Variants in GORAB observed in about 807,000 individuals in gnomAD.
The protein encoded by GORAB is RAB6-interacting golgin.
GORAB carries 17 observed loss-of-function variants against 29.9 expected under a neutral mutation model. The ratio of observed to expected loss-of-function variants is 0.57; its 90% CI spans 0.39 to 0.85. GORAB has a LOEUF of 0.85. Among genes scored for constraint, GORAB ranks in the 40% least tolerant of loss-of-function variants. The probability of loss-of-function intolerance (pLI) is 0.00; values close to 1 mark genes in which losing one functional copy is unlikely to be tolerated. For synonymous variants in GORAB, 183 were observed against 157.2 expected (o/e 1.16, Z -1.23); for missense variants, 442 against 437.8 (o/e 1.01, Z -0.09).
Position 170,532,173 on chromosome 1 carries a change from GT to G in GORAB, c.-50del. ...GATGAGCTGGGCAGCAGTGTTGGCA[GT>G]CGCGGCTGCGAGATTTGGGCACTTT... On this transcript the variant is annotated 5_prime_UTR_variant, in exon 1 of 5. Coordinates refer to ENST00000367763, the MANE Select transcript of GORAB (RefSeq NM_152281.3). 1 of 1,613,570 alleles carries G rather than the reference GT, an allele frequency of 6.2e-7. No homozygotes were observed. Among genetic ancestry groups the G allele is most frequent in the East Asian group, 2.2e-5 (1 of 44,878 alleles).
Position 170,552,960 on chromosome 1 carries a change from G to A in GORAB, c.*498G>A. 6.6e-6 allele frequency: 3 copies of A among 452,050 alleles called. No individual in the cohort carries two copies. The highest frequency in any genetic ancestry group is 1.3e-5 in the Non-Finnish European group (3 of 226,300). 28.0% of individuals were successfully genotyped at this position (452,050 alleles called of 1,614,324 possible). A position where few individuals can be genotyped will look rare whatever the true frequency, so the allele number is the denominator to read the frequency against. On this transcript the variant is annotated 3_prime_UTR_variant, in exon 5 of 5. Transcript: ENST00000367763. ...AAGTTGCAGGTTGAATTATCTATCT[G>A]GATATTACTAGAGTTGTAAAACACA...
At chr1:170,550,571 G>T (rs1016513211) in intron 4 of GORAB, among the ~76,000 whole-genome samples, 2 of 152,176 alleles carry the variant, frequency 1.3e-5, no homozygotes, top group East Asian at 3.8e-4. Context: ...ACCGAAATGG[G>T]TACACATGGT....
intron 1 of GORAB, among the ~76,000 whole-genome samples, chr1:170,533,079 G>T (rs769896836): frequency 1.3e-5 from 2 of 152,166 alleles, no homozygotes; most frequent in Non-Finnish European, 2.9e-5. Flanking sequence ...GATCTGTATG[G>T]TTATCGTGGT....
Position 170,552,534 on chromosome 1 carries a change from C to G in GORAB, c.*72C>G. ...TTTTTGCAGTAGATCATGCCCTGAC[C>G]TCCAATAAAAACCTCTTTAAAACAA... On this transcript the variant is annotated 3_prime_UTR_variant, in exon 5 of 5. Transcript: ENST00000367763. The G allele has an allele frequency of 8.1e-7, 1 of 1,227,560 alleles. No homozygotes were observed. The highest frequency in any genetic ancestry group is 1.9e-4 in the Middle Eastern group (1 of 5,312). The allele number at this position is 1,227,560 out of a possible 1,614,324, so 76.0% of individuals were successfully genotyped here. A position where few individuals can be genotyped will look rare whatever the true frequency, so the allele number is the denominator to read the frequency against.
intron 4 of GORAB, among the ~76,000 whole-genome samples, chr1:170,546,261 G>A (rs1417873698): frequency 6.6e-6 from 1 of 151,984 alleles, no homozygotes; most frequent in African/African-American, 2.4e-5. Flanking sequence ...GTGGTGGTGG[G>A]CGCCTATAGT....
At chr1:170,544,001 T>C (rs1649602614) in intron 3 of GORAB, among the ~76,000 whole-genome samples, 1 of 152,156 alleles carries the variant, frequency 6.6e-6, no homozygotes, top group Non-Finnish European at 1.5e-5. Context: ...TGTGTGAAAA[T>C]TTGAAATGAG....
chr1:170,546,322 G>A (rs1265335764), intron 4 of GORAB, among the ~76,000 whole-genome samples: 1 of 151,896 alleles, frequency 6.6e-6, no homozygotes. Flanking sequence ...CCTGGGAGGC[G>A]GATCTTGCAG....
At chr1:170,532,481 C>G in intron 1 of GORAB, 197 bp downstream of exon 1, 2 of 598,534 alleles carry the variant, frequency 3.3e-6, no homozygotes, top group Non-Finnish European at 5.9e-6. Flanking sequence ...AGCCAGAGGA[C>G]TGGGATCTTC....
In GORAB at chr1:170,552,033, T is replaced by C; in HGVS notation, c.681T>C (p.Ala227=). Residue 227 remains alanine (A), a synonymous_variant, in exon 5 of 5, where the codon GCT becomes GCC. Coordinates refer to ENST00000367763, the MANE Select transcript of GORAB (RefSeq NM_152281.3). ...YSYARKRFDR[A]EAEYIAAKLD... ...CTTACAGGAAGCGGTTTGACAGGGC[T>C]GAAGCAGAGTACATTGCAGCAAAGC... 1 of 1,613,972 alleles carries C rather than the reference T, an allele frequency of 6.2e-7. No homozygotes were observed. The highest frequency in any genetic ancestry group is 8.5e-7 in the Non-Finnish European group (1 of 1,179,902).
At chr1:170,547,607 C>A (rs907516894) in intron 4 of GORAB, among the ~76,000 whole-genome samples, 4 of 152,170 alleles carry the variant, frequency 2.6e-5, no homozygotes, top group Admixed American at 2.0e-4. Context: ...TGCAAACATA[C>A]ACCCACAGAC....
chr1:170,552,265 G>T lies in GORAB; in HGVS notation c.913G>T (p.Val305Phe). Reference sequence around the variant, plus strand: ...AGAAGTAGAATCAAGGAGACCAGTGGTTCGTTTAGAGAGGCCATTTCAGCC... The same window carrying T: ...AGAAGTAGAATCAAGGAGACCAGTGTTTCGTTTAGAGAGGCCATTTCAGCC... ...EQEVESRRPV[V>F]RLERPFQPAE... The change falls in exon 5 of 5, where the codon GTT (valine) becomes TTT (phenylalanine). Residue 305 changes from valine (V) to phenylalanine (F), a missense_variant. Val to Phe is a conservative substitution (Grantham distance 50, BLOSUM62 -1). Coordinates refer to ENST00000367763, the MANE Select transcript of GORAB (RefSeq NM_152281.3). 1 of 1,614,150 alleles carries T rather than the reference G, an allele frequency of 6.2e-7. No homozygotes were observed. Among genetic ancestry groups the T allele is most frequent in the South Asian group, 1.1e-5 (1 of 91,084 alleles).
In GORAB at chr1:170,552,215, A is replaced by T. The variant is rs1023916855; in HGVS notation, c.863A>T (p.Glu288Val). The T allele has an allele frequency of 6.2e-7, 1 of 1,614,118 alleles. No homozygotes were observed. The highest frequency in any genetic ancestry group is 1.7e-5 in the Admixed American group (1 of 60,010). Residue 288 changes from glutamate (E) to valine (V), a missense_variant, in exon 5 of 5, where the codon GAG becomes GTG. Glu to Val is a moderately radical substitution (Grantham distance 121). Coordinates refer to ENST00000367763, the MANE Select transcript of GORAB (RefSeq NM_152281.3). ...ADEETLELEV[E>V]VERLLHEQEV... ...GAAGAGACTTTGGAGCTTGAGGTGG[A>T]GGTCGAGAGATTGCTACACGAACAA... is the stretch of plus-strand genomic sequence containing the variant.
intron 1 of GORAB, 154 bp from the exon 2 acceptor site, chr1:170,539,056 A>G (rs1649228010): frequency 2.5e-6 from 2 of 811,146 alleles, no homozygotes; most frequent in Non-Finnish European, 3.9e-6. Context: ...CTACAGGAAG[A>G]TGGCTGTTTT....
rs1649271123 is a variant in GORAB, at chr1:170,539,462, G to A, written c.314G>A (p.Ser105Asn). ...GATGGACAACCACAGGGCATTGAAA[G>A]TCAGCCAAAGGAACTGGGACTTGAG... The part of the protein sequence containing the change: ...VGDGQPQGIE[S>N]QPKELGLENS... Residue 105 changes from serine (S) to asparagine (N), a missense_variant, in exon 2 of 5, where the codon AGT becomes AAT. Ser to Asn is a conservative substitution (Grantham distance 46, BLOSUM62 1). Coordinates refer to ENST00000367763, the MANE Select transcript of GORAB (RefSeq NM_152281.3). 6.2e-7 allele frequency: 1 copy of A among 1,614,012 alleles called. No homozygotes were observed. Among genetic ancestry groups the A allele is most frequent in the Non-Finnish European group, 8.5e-7 (1 of 1,180,014 alleles).
At position 170,553,680 on chromosome 1, in the gene GORAB, G is replaced by C. The variant is rs1358289374; in HGVS notation, c.*1218G>C. ...GATGAGCTTTATATTTTTATATTATGTAATTTGAGTTGAAAGTATAACATT... is the reference window on the plus strand; with the variant it reads ...GATGAGCTTTATATTTTTATATTATCTAATTTGAGTTGAAAGTATAACATT... On this transcript the variant is annotated 3_prime_UTR_variant, in exon 5 of 5. Coordinates refer to ENST00000367763, the MANE Select transcript of GORAB (RefSeq NM_152281.3). 2 of 450,078 alleles carry C rather than the reference G, an allele frequency of 4.4e-6. No individual in the cohort carries two copies. Among genetic ancestry groups the C allele is most frequent in the East Asian group, 1.4e-4 (2 of 14,372 alleles). 27.9% of individuals were successfully genotyped at this position (450,078 alleles called of 1,614,324 possible).
Position 170,552,361 on chromosome 1 carries a change from A to G in GORAB, c.1009A>G (p.Lys337Glu). ...GTGTCAAGAACAAGCTGTTTCCCCA[A>G]AGGTAGATGACCAGTGTGGAAATTC... is the stretch of plus-strand genomic sequence containing the variant. ...RKCQEQAVSP[K>E]VDDQCGNSSS... Residue 337 changes from lysine to glutamate, a missense_variant, in exon 5 of 5, where the codon AAG becomes GAG. Physicochemically the swap from Lys to Glu is moderately conservative, Grantham distance 56. Coordinates refer to ENST00000367763, the MANE Select transcript of GORAB (RefSeq NM_152281.3). The G allele has an allele frequency of 6.2e-7, 1 of 1,614,128 alleles. No individual in the cohort carries two copies. The highest frequency in any genetic ancestry group is 1.1e-5 in the South Asian group (1 of 91,088).
Position 170,544,741 on chromosome 1 carries a change from G to C in GORAB, c.558G>C (p.Lys186Asn). 1 of 1,614,006 alleles carries C rather than the reference G, an allele frequency of 6.2e-7. No individual in the cohort carries two copies. The highest frequency in any genetic ancestry group is 8.5e-7 in the Non-Finnish European group (1 of 1,179,910). Residue 186 changes from lysine (K) to asparagine (N), a missense_variant, in exon 4 of 5, where the codon AAG (lysine) becomes AAC (asparagine). Coordinates refer to ENST00000367763, the MANE Select transcript of GORAB (RefSeq NM_152281.3). ...CTCAGGCAGAGACCATGAAACTAAA[G>C]CGGATCCAGAAGGAGTTGCAGGCTT... Reference protein sequence around the residue: ...KRTQAETMKLKRIQKELQALD... With the variant: ...KRTQAETMKLNRIQKELQALD...
intron 2 of GORAB, among the ~76,000 whole-genome samples, chr1:170,539,902 A>G (rs534005557): frequency 6.6e-6 from 1 of 152,196 alleles, no homozygotes; most frequent in African/African-American, 2.4e-5. Context: ...AGATTTACAG[A>G]TAAGTCTGTC....
At position 170,532,268 on chromosome 1, in the gene GORAB, AC is replaced by A; in HGVS notation, c.46del (p.Leu16Ter). 6.2e-7 allele frequency: 1 copy of A among 1,614,034 alleles called. No individual in the cohort carries two copies. The highest frequency in any genetic ancestry group is 1.1e-5 in the South Asian group (1 of 91,070). ...AGFSEEELRRLKQTKDPFEPQ... is the reference protein window; with the variant it reads ...AGFSEEELRRXKQTKDPFEPQ... ...GATTCTCTGAGGAGGAACTGAGGAG[AC>A]TAAAGCAGACTAAAGGTTACAAGAT... On this transcript the variant is annotated frameshift_variant, in exon 1 of 5. Transcript: ENST00000367763. LOFTEE classifies it high-confidence loss of function.
Sources: gnomAD v4.1 joint callset for allele counts (sites outside exome capture counted in the v4.1 genomes callset) on GRCh38, gnomAD v4.1.1 for gene constraint, MANE v1.5 for transcripts, NCBI Gene and HGNC (gene_info 2026-07-23, HGNC 2026-07-21) for gene names.